The following TACR1 variants were observed in gnomAD, a reference collection of about 807,000 sequenced individuals.
TACR1 encodes the protein substance-P receptor.
In TACR1, 25 loss-of-function variants were observed where a neutral mutation model predicts 35.8. The observed-to-expected ratio is 0.70, with a 90% CI of 0.51 to 0.98. The LOEUF is 0.98. TACR1 is among the 50% of genes least tolerant of loss of function. TACR1 has a pLI of 0.00. For synonymous variants in TACR1, 195 were observed against 206.7 expected (o/e 0.94, Z 0.48); for missense variants, 478 against 522.9 (o/e 0.91, Z 0.84).
chr2:75,144,219 G>C (rs1469994732), intron 1 of TACR1, among the ~76,000 whole-genome samples: 1 of 152,162 alleles, frequency 6.6e-6, no homozygotes, highest in Non-Finnish European at 1.5e-5. Context: ...GGAGCTCCCT[G>C]GACTGGAGAG....
intron 2 of TACR1, among the ~76,000 whole-genome samples, chr2:75,102,759 A>G (rs942568677): frequency 6.6e-5 from 10 of 152,280 alleles, no homozygotes; most frequent in Middle Eastern, 6.8e-3. Flanking sequence ...AAATAAAGGT[A>G]TTATCAAATA....
rs986159667 is a variant in TACR1, at chr2:75,126,319, C to G, written c.390-5551G>C. On this transcript the variant is annotated intron_variant, in intron 1 of 4. Transcript: ENST00000305249. ...GTGTATATGTACCACATTTAAAAAT[C>G]CCATCTGTCATTGATGGGCATTTAG... Among the ~76,000 whole-genome samples, 4 of 152,186 alleles carry G rather than the reference C, an allele frequency of 2.6e-5. No homozygotes were observed. In the South Asian group the frequency reaches 6.2e-4, roughly 24 times the overall value.
chr2:75,076,747 C>T (rs1672988307), intron 2 of TACR1, among the ~76,000 whole-genome samples: 1 of 152,182 alleles, frequency 6.6e-6, no homozygotes, highest in South Asian at 2.1e-4. Context: ...TGCTGCTTGT[C>T]TCTACATCTC....
intron 2 of TACR1, among the ~76,000 whole-genome samples, chr2:75,094,104 A>G (rs952871126): frequency 6.6e-6 from 1 of 152,192 alleles, no homozygotes; most frequent in African/African-American, 2.4e-5. Context: ...CCACATGCAA[A>G]TAGCTCTTGA....
intron 2 of TACR1, among the ~76,000 whole-genome samples, chr2:75,091,256 C>CGA (rs1673307085): frequency 6.8e-6 from 1 of 148,002 alleles, no homozygotes; most frequent in Non-Finnish European, 1.5e-5. Flanking sequence ...CCTAACTCTA[C>CGA]CATAACTCAT....
At chr2:75,103,636 A>G (rs1292259834) in intron 2 of TACR1, among the ~76,000 whole-genome samples, 1 of 152,170 alleles carries the variant, frequency 6.6e-6, no homozygotes, top group Non-Finnish European at 1.5e-5. Context: ...AAAAATTGCA[A>G]AGAATTTATG....
intron 1 of TACR1, among the ~76,000 whole-genome samples, chr2:75,185,255 C>T (rs1675663411): frequency 6.6e-6 from 1 of 151,812 alleles, no homozygotes; most frequent in African/African-American, 2.4e-5. Flanking sequence ...TATTAAACAA[C>T]AACTAAATTA....
chr2:75,066,685 C>A (rs1044986537), intron 2 of TACR1, among the ~76,000 whole-genome samples: 1 of 152,190 alleles, frequency 6.6e-6, no homozygotes, highest in African/African-American at 2.4e-5. Context: ...GACAAACACC[C>A]TACTTTCTTT....
chr2:75,152,394 C>G (rs940723964), intron 1 of TACR1, among the ~76,000 whole-genome samples: 4 of 152,160 alleles, frequency 2.6e-5, no homozygotes, highest in Admixed American at 6.5e-5. Context: ...GAATAAGTCT[C>G]ATGAGATCTG....
chr2:75,113,896 G>C (rs1483281766), intron 2 of TACR1, among the ~76,000 whole-genome samples: 1 of 151,800 alleles, frequency 6.6e-6, no homozygotes, highest in Non-Finnish European at 1.5e-5. Flanking sequence ...TAGTGCTGTA[G>C]GTATATTTTT....
chr2:75,111,039 A>G (rs552192630), intron 2 of TACR1, among the ~76,000 whole-genome samples: 3 of 152,096 alleles, frequency 2.0e-5, no homozygotes, highest in East Asian at 1.9e-4. Flanking sequence ...TTTATGAGCT[A>G]TAGTGTTTTG....
At position 75,046,967 on chromosome 2, in the gene TACR1, T is replaced by C. The variant is rs1672380573; in HGVS notation, c.*2465A>G. Reference sequence around the variant, plus strand: ...GTGATGCATTTCTAGAATAAGAATGTGACCCATGCACAGTACAAATCATGG... The same window carrying C: ...GTGATGCATTTCTAGAATAAGAATGCGACCCATGCACAGTACAAATCATGG... On this transcript the variant is annotated 3_prime_UTR_variant, in exon 5 of 5. Transcript: ENST00000305249. The C allele has an allele frequency of 6.6e-6, 1 of 152,226 alleles. No individual in the cohort carries two copies. The highest frequency in any genetic ancestry group is 2.4e-5 in the African/African-American group (1 of 41,458). The allele number at this position is 152,226 out of a possible 1,614,324, so 9.4% of individuals were successfully genotyped here.
chr2:75,059,229 C>A (rs1217170187), intron 2 of TACR1, among the ~76,000 whole-genome samples: 1 of 152,300 alleles, frequency 6.6e-6, no homozygotes, highest in East Asian at 1.9e-4. Flanking sequence ...TTCTTGAATA[C>A]CCCTGTGACA....
chr2:75,072,029 TA>T (rs1178591965), intron 2 of TACR1, among the ~76,000 whole-genome samples: 1 of 152,056 alleles, frequency 6.6e-6, no homozygotes, highest in African/African-American at 2.4e-5. Flanking sequence ...TTGTTTGTGC[TA>T]AGGAGGGACT....
chr2:75,155,402 T>C (rs951718573), intron 1 of TACR1, among the ~76,000 whole-genome samples: 62 of 152,182 alleles, frequency 4.1e-4, no homozygotes, highest in African/African-American at 1.3e-3. Flanking sequence ...TCCCCCTCCC[T>C]TTGCTTACAT....
At chr2:75,121,283 G>C (rs968709386) in intron 1 of TACR1, among the ~76,000 whole-genome samples, 3 of 152,170 alleles carry the variant, frequency 2.0e-5, no homozygotes, top group Non-Finnish European at 4.4e-5. Context: ...TTGGCCTAAA[G>C]TCAGCAAAAA....
At chr2:75,070,454 A>G (rs537823060) in intron 2 of TACR1, among the ~76,000 whole-genome samples, 1 of 152,188 alleles carries the variant, frequency 6.6e-6, no homozygotes, top group South Asian at 2.1e-4. Context: ...CATGTTGATT[A>G]TGCCATTTCT....
chr2:75,166,031 C>T (rs1490221077), intron 1 of TACR1, among the ~76,000 whole-genome samples: 1 of 152,208 alleles, frequency 6.6e-6, no homozygotes, highest in Non-Finnish European at 1.5e-5. Flanking sequence ...TGCAAATGTA[C>T]ATTTCCTAAA....
chr2:75,055,589 A>G (rs1435870029), intron 2 of TACR1, among the ~76,000 whole-genome samples: 2 of 152,256 alleles, frequency 1.3e-5, no homozygotes, highest in East Asian at 1.9e-4. Flanking sequence ...CCTACCTGAA[A>G]GAACAGCCCT....
Sources: gnomAD v4.1 joint callset for allele counts (sites outside exome capture counted in the v4.1 genomes callset) on GRCh38, gnomAD v4.1.1 for gene constraint, MANE v1.5 for transcripts, NCBI Gene and HGNC (gene_info 2026-07-23, HGNC 2026-07-21) for gene names.